CDH8: variants seen among roughly 807,000 people sequenced by gnomAD.
The protein encoded by CDH8 is cadherin 8.
A neutral mutation model predicts 68.1 loss-of-function variants in CDH8; 17 were observed. The observed-to-expected ratio is 0.25, with a 90% CI of 0.17 to 0.37. The LOEUF (loss-of-function observed/expected upper bound fraction) is 0.37. CDH8 is among the 10% of genes least tolerant of loss of function. The pLI is 1.00. For synonymous variants in CDH8, 372 were observed against 365.1 expected (o/e 1.02, Z -0.21); for missense variants, 763 against 999.3 (o/e 0.76, Z 3.19).
intron 3 of CDH8, among the ~76,000 whole-genome samples, chr16:61,899,007 C>T (rs1444332945): frequency 6.6e-6 from 1 of 151,760 alleles, no homozygotes; most frequent in Non-Finnish European, 1.5e-5. Flanking sequence ...ACTTTAAGTT[C>T]TGGGATACAT....
chr16:61,824,294 C>T (rs1047011078), intron 5 of CDH8, among the ~76,000 whole-genome samples: 2 of 151,764 alleles, frequency 1.3e-5, no homozygotes, highest in African/African-American at 4.8e-5. Context: ...ATTCATCCTC[C>T]CTCCCATGGC....
intron 5 of CDH8, among the ~76,000 whole-genome samples, chr16:61,822,396 A>G (rs11643263): frequency 0.13 from 20,200 of 150,942 alleles, 1,659 homozygotes; most frequent in Middle Eastern, 0.21. Context: ...TCTCCTTGCA[A>G]CCACAACAAG....
chr16:61,671,463 T>TA (rs35642686), intron 10 of CDH8, among the ~76,000 whole-genome samples: 8,887 of 129,430 alleles, frequency 0.069, 584 homozygotes, highest in East Asian at 0.27. Context: ...AAATAGCTGC[T>TA]AAAAAAAAAA....
At chr16:61,842,773 T>G (rs1441015375) in intron 4 of CDH8, among the ~76,000 whole-genome samples, 1 of 152,166 alleles carries the variant, frequency 6.6e-6, no homozygotes, top group African/African-American at 2.4e-5. Context: ...GTGGTGTCAT[T>G]AATTTATGCC....
At chr16:61,718,503 G>C (rs1296000880) in intron 9 of CDH8, among the ~76,000 whole-genome samples, 1 of 151,252 alleles carries the variant, frequency 6.6e-6, no homozygotes, top group African/African-American at 2.4e-5. Context: ...TGAATTGTAA[G>C]GTGATAGAAA....
At chr16:61,710,783 T>G (rs1223477016) in intron 10 of CDH8, 2 of 152,004 alleles carry the variant, frequency 1.3e-5, no homozygotes, top group Non-Finnish European at 2.9e-5. Flanking sequence ...GGAAGAGTAG[T>G]TTTCTGGAGA....
intron 10 of CDH8, chr16:61,693,685 C>T (rs1197958550): frequency 6.6e-6 from 1 of 151,884 alleles, no homozygotes; most frequent in Admixed American, 6.6e-5. Context: ...AGTGTGGGGC[C>T]CTGAGATCCC....
At chr16:61,902,037 A>C (rs1963983469) in intron 2 of CDH8, among the ~76,000 whole-genome samples, 1 of 150,798 alleles carries the variant, frequency 6.6e-6, no homozygotes, top group South Asian at 2.1e-4. Context: ...TTATACAAAC[A>C]AAAGTAATTC....
intron 5 of CDH8, 131 bp downstream of exon 5, chr16:61,824,881 T>C (rs1385709009): frequency 2.8e-6 from 2 of 724,048 alleles, no homozygotes. Context: ...ACCAAAATCA[T>C]GCCATACCTG....
intron 3 of CDH8, among the ~76,000 whole-genome samples, chr16:61,871,175 C>T (rs1236119309): frequency 2.6e-5 from 4 of 151,728 alleles, no homozygotes; most frequent in Non-Finnish European, 5.9e-5. Context: ...CACACTTATA[C>T]AATAAGTATA....
intron 8 of CDH8, among the ~76,000 whole-genome samples, chr16:61,775,923 G>A (rs573636143): frequency 6.6e-6 from 1 of 152,208 alleles, no homozygotes; most frequent in South Asian, 2.1e-4. Context: ...GTAATATGTA[G>A]CAAAAGTGAA....
chr16:61,987,746 TAAAA>T (rs61546952), intron 2 of CDH8, among the ~76,000 whole-genome samples: 2 of 144,374 alleles, frequency 1.4e-5, no homozygotes, highest in Non-Finnish European at 3.1e-5. Context: ...TTTAGATTGG[TAAAA>T]AAAAAAACCC....
At position 62,021,418 on chromosome 16, in the gene CDH8, A is replaced by G; in HGVS notation, c.-15T>C. On this transcript the variant is annotated 5_prime_UTR_variant, in exon 2 of 12. Transcript: ENST00000577390. ...CGTTCTGGCATGGTCCCACCAGTTAAGCAAATCACCACGAAAATGAGACAA... is the reference window on the plus strand; with the variant it reads ...CGTTCTGGCATGGTCCCACCAGTTAGGCAAATCACCACGAAAATGAGACAA... The G allele has an allele frequency of 3.2e-6, 5 of 1,582,840 alleles. No homozygotes were observed. The highest frequency in any genetic ancestry group is 4.3e-6 in the Non-Finnish European group (5 of 1,164,292).
At chr16:61,959,810 T>C (rs1415724281) in intron 2 of CDH8, among the ~76,000 whole-genome samples, 1 of 147,538 alleles carries the variant, frequency 6.8e-6, no homozygotes, top group Non-Finnish European at 1.5e-5. Context: ...CCTTAACAAA[T>C]CTCTCTCTCT....
intron 8 of CDH8, among the ~76,000 whole-genome samples, chr16:61,761,418 A>T (rs914852469): frequency 6.6e-6 from 1 of 152,174 alleles, no homozygotes; most frequent in East Asian, 1.9e-4. Context: ...ATGATAACTA[A>T]TTCTGGTACA....
At chr16:61,922,846 T>C (rs1045286129) in intron 2 of CDH8, among the ~76,000 whole-genome samples, 6 of 152,196 alleles carry the variant, frequency 3.9e-5, no homozygotes, top group Admixed American at 6.5e-5. Context: ...ATTTATGCAA[T>C]TTTGGAGTGG....
chr16:61,781,230 C>T (rs1961043859), intron 8 of CDH8, among the ~76,000 whole-genome samples: 1 of 152,184 alleles, frequency 6.6e-6, no homozygotes. Context: ...TTAAGCCAAG[C>T]TCTGTGTATT....
chr16:61,994,473 G>A (rs569410033), intron 2 of CDH8, among the ~76,000 whole-genome samples: 6 of 152,230 alleles, frequency 3.9e-5, no homozygotes, highest in South Asian at 2.1e-4. Flanking sequence ...ATTGAAGAAC[G>A]TAGCACATAA....
chr16:62,023,942 G>A (rs1902135291), intron 1 of CDH8, among the ~76,000 whole-genome samples: 1 of 152,120 alleles, frequency 6.6e-6, no homozygotes, highest in Non-Finnish European at 1.5e-5. Context: ...CATATTTATG[G>A]GCTCAAGTGA....
Sources: allele counts gnomAD v4.1 joint callset (sites outside exome capture counted in the v4.1 genomes callset), GRCh38; gene constraint gnomAD v4.1.1; transcripts MANE v1.5; gene names NCBI Gene and HGNC (gene_info 2026-07-23, HGNC 2026-07-21).